The following KCNH8 variants were observed in gnomAD, a reference collection of about 807,000 sequenced individuals.
KCNH8 encodes the protein voltage-gated delayed rectifier potassium channel KCNH8.
Under a neutral mutation model 103.6 loss-of-function variants are expected in KCNH8, and 70 were observed. The ratio of observed to expected loss-of-function variants is 0.68; its 90% CI spans 0.56 to 0.82. KCNH8 has a LOEUF of 0.82. Among genes scored for constraint, KCNH8 ranks in the 40% least tolerant of loss-of-function variants. KCNH8 has a pLI of 0.00. For missense variants in KCNH8, 1,217 were observed against 1,329.9 expected (o/e 0.92, Z 1.32); for synonymous variants, 498 against 489.4 (o/e 1.02, Z -0.23).
At chr3:19,428,867 C>G (rs962813771) in intron 7 of KCNH8, among the ~76,000 whole-genome samples, 2 of 152,170 alleles carry the variant, frequency 1.3e-5, no homozygotes, top group Non-Finnish European at 2.9e-5. Flanking sequence ...ACACATTTCT[C>G]TCTACTCATG....
chr3:19,293,234 G>A (rs947825009), intron 3 of KCNH8, among the ~76,000 whole-genome samples: 8 of 152,120 alleles, frequency 5.3e-5, no homozygotes, highest in Non-Finnish European at 1.5e-5. Flanking sequence ...TGGTCTCAGA[G>A]CTTATATATT....
intron 1 of KCNH8, among the ~76,000 whole-genome samples, chr3:19,229,828 C>T (rs2063972839): frequency 6.6e-6 from 1 of 152,238 alleles, no homozygotes; most frequent in African/African-American, 2.4e-5. Flanking sequence ...GTTCCAACCT[C>T]TGCCTGTAAC....
intron 10 of KCNH8, among the ~76,000 whole-genome samples, chr3:19,453,466 T>C (rs567157498): frequency 7.2e-5 from 11 of 152,294 alleles, no homozygotes; most frequent in African/African-American, 2.6e-4. Context: ...AACTAATATG[T>C]ATTGAATCCC....
Position 19,441,680 on chromosome 3 carries a change from G to A in KCNH8, c.1375+3319G>A, listed in dbSNP as rs541093861. ...CTTGATCAAGTAAGCATTCTTCTTA[G>A]GCTAAAGTTCTGTTAATATTTTCTG... is the stretch of plus-strand genomic sequence containing the variant. On this transcript the variant is annotated intron_variant, in intron 8 of 15. Transcript: ENST00000328405. Among the ~76,000 whole-genome samples, 397 of 152,260 alleles carry A rather than the reference G, an allele frequency of 2.6e-3. 4 individuals carry two copies. The highest frequency in any genetic ancestry group is 9.1e-3 in the African/African-American group (378 of 41,554).
Position 19,533,860 on chromosome 3 carries a change from ACT to A in KCNH8, c.3091_3092del (p.Ser1031IlefsTer71). Reference protein sequence around the residue: ...TLTPLQSISATLSSSVCSSSE... With the variant: ...TLTPLQSISAXLSSSVCSSSE... ...GACGCCTCTGCAGTCCATTTCAGCA[ACT>A]CTCTCATCTTCTGTCTGCTCCTCTT... On this transcript the variant is annotated frameshift_variant, in exon 16 of 16. Coordinates refer to ENST00000328405, the MANE Select transcript of KCNH8 (RefSeq NM_144633.3). LOFTEE classifies it high-confidence loss of function. 1.9e-6 allele frequency: 3 copies of A among 1,613,948 alleles called. No homozygotes were observed. The highest frequency in any genetic ancestry group is 2.5e-6 in the Non-Finnish European group (3 of 1,179,970).
chr3:19,492,271 C>T (rs1575134424), intron 11 of KCNH8, among the ~76,000 whole-genome samples: 2 of 152,056 alleles, frequency 1.3e-5, no homozygotes, highest in East Asian at 1.9e-4. Context: ...AAGAAGAGTA[C>T]TTCCTAGGTT....
At chr3:19,459,874 T>C (rs2067594261) in intron 11 of KCNH8, among the ~76,000 whole-genome samples, 1 of 152,122 alleles carries the variant, frequency 6.6e-6, no homozygotes, top group Non-Finnish European at 1.5e-5. Flanking sequence ...TCTAGAACAT[T>C]AATTATAGTA....
chr3:19,258,947 C>CTATA lies in KCNH8; in HGVS notation c.310+5092_310+5095dup, dbSNP rs71055060. 5.3e-3 allele frequency among the ~76,000 whole-genome samples: 132 copies of CTATA among 24,796 alleles called. 10 individuals carry two copies. Among genetic ancestry groups the CTATA allele is most frequent in the Non-Finnish European group, 6.1e-3 (76 of 12,476 alleles). 16.3% of individuals were successfully genotyped at this position (24,796 alleles called of 152,430 possible). On this transcript the variant is annotated intron_variant, in intron 2 of 15. Transcript: ENST00000328405. ...TCTCTCTCTCTCTCTCTCTCTCTCT[C>CTATA]TATATATATATATATATATATATAT...
At chr3:19,460,749 C>G (rs570880655) in intron 11 of KCNH8, among the ~76,000 whole-genome samples, 1 of 152,172 alleles carries the variant, frequency 6.6e-6, no homozygotes, top group East Asian at 1.9e-4. Flanking sequence ...TCCCATAATC[C>G]CCACATATCA....
intron 11 of KCNH8, among the ~76,000 whole-genome samples, chr3:19,461,241 T>A (rs1281571179): frequency 1.3e-5 from 2 of 152,200 alleles, no homozygotes; most frequent in African/African-American, 4.8e-5. Flanking sequence ...TACTTCCTGA[T>A]GTTTTATCCC....
intron 1 of KCNH8, among the ~76,000 whole-genome samples, chr3:19,187,422 G>A (rs1043517428): frequency 4.6e-5 from 7 of 152,014 alleles, no homozygotes; most frequent in Non-Finnish European, 8.8e-5. Flanking sequence ...TGCTAAAACA[G>A]TTGGAAAAAC....
intron 7 of KCNH8, among the ~76,000 whole-genome samples, chr3:19,424,130 C>G (rs2066991280): frequency 6.6e-6 from 1 of 151,832 alleles, no homozygotes; most frequent in Admixed American, 6.6e-5. Flanking sequence ...CATATGGAAC[C>G]AAAAAGTTTC....
At chr3:19,495,079 C>G (rs544963607) in intron 11 of KCNH8, among the ~76,000 whole-genome samples, 1 of 152,046 alleles carries the variant, frequency 6.6e-6, no homozygotes, top group South Asian at 2.1e-4. Flanking sequence ...GTGTAAGTTC[C>G]TTATAGATTC....
At chr3:19,154,639 T>A (rs1343297186) in intron 1 of KCNH8, among the ~76,000 whole-genome samples, 1 of 152,236 alleles carries the variant, frequency 6.6e-6, no homozygotes, top group Non-Finnish European at 1.5e-5. Context: ...TTCTTAGGAA[T>A]GTTTCTTTCT....
At chr3:19,404,287 C>G (rs1030668635) in intron 7 of KCNH8, among the ~76,000 whole-genome samples, 1 of 151,924 alleles carries the variant, frequency 6.6e-6, no homozygotes. Context: ...AGAGCTGTTG[C>G]TTTCTAGTCT....
In KCNH8 at chr3:19,451,487, T is replaced by C. The variant is rs565006694; in HGVS notation, c.1825+83T>C. 25 of 1,260,424 alleles carry C rather than the reference T, an allele frequency of 2.0e-5. No homozygotes were observed. The African/African-American group carries it at 2.5e-4, about 13-fold the overall frequency. 78.1% of individuals were successfully genotyped at this position (1,260,424 alleles called of 1,614,324 possible). A position where few individuals can be genotyped will look rare whatever the true frequency, so the allele number is the denominator to read the frequency against. On this transcript the variant is annotated intron_variant, in intron 10 of 15. Transcript: ENST00000328405. Reference sequence around the variant, plus strand: ...ATGAAATGGGGGAAAAAACTGCTATTGAGAGTAGGAAAAGAACAGATGAAG... The same window carrying C: ...ATGAAATGGGGGAAAAAACTGCTATCGAGAGTAGGAAAAGAACAGATGAAG...
intron 7 of KCNH8, among the ~76,000 whole-genome samples, chr3:19,395,758 G>GGA (rs1221775953): frequency 6.6e-6 from 1 of 151,920 alleles, no homozygotes; most frequent in Non-Finnish European, 1.5e-5. Context: ...CCCTTTACAA[G>GGA]GAGAGAGAGA....
chr3:19,390,495 T>A lies in KCNH8; in HGVS notation c.826T>A (p.Phe276Ile), dbSNP rs1387547745. ...TTCCCAAGCAGATATTATTTTAAAT[T>A]TCCGAACAACTTATGTCAGCAAGTC... The part of the protein sequence containing the change: ...ILFIIDIILN[F>I]RTTYVSKSGQ... Residue 276 changes from phenylalanine to isoleucine, a missense_variant, in exon 6 of 16, where the codon TTC becomes ATC. Physicochemically the swap from Phe to Ile is conservative, Grantham distance 21. Coordinates refer to ENST00000328405, the MANE Select transcript of KCNH8 (RefSeq NM_144633.3). 2 of 1,611,522 alleles carry A rather than the reference T, an allele frequency of 1.2e-6. No individual in the cohort carries two copies. Among genetic ancestry groups the A allele is most frequent in the Admixed American group, 3.3e-5 (2 of 59,734 alleles).
At chr3:19,375,921 G>GGTCAGGA (rs2066189675) in intron 5 of KCNH8, among the ~76,000 whole-genome samples, 2 of 152,180 alleles carry the variant, frequency 1.3e-5, no homozygotes, top group South Asian at 2.1e-4. Context: ...GCTGCTCGGG[G>GGTCAGGA]GTCAGGGACC....
Sources: allele counts gnomAD v4.1 joint callset (sites outside exome capture counted in the v4.1 genomes callset), GRCh38; gene constraint gnomAD v4.1.1; transcripts MANE v1.5; gene names NCBI Gene and HGNC (gene_info 2026-07-23, HGNC 2026-07-21).